The following NPTN variants were observed in gnomAD, a reference collection of about 807,000 sequenced individuals.
The protein encoded by NPTN is neuroplastin, also known as SDR-1.
Under a neutral mutation model 42.7 loss-of-function variants are expected in NPTN, and 5 were observed. The observed-to-expected ratio is 0.12, with a 90% CI of 0.06 to 0.25. The LOEUF is 0.25. Ranked by LOEUF, NPTN falls within the 10% of genes least tolerant of loss-of-function variation. NPTN has a pLI of 1.00. For synonymous variants in NPTN, 180 were observed against 201.9 expected, an observed-to-expected ratio of 0.89 and a Z score of 0.92; for missense variants, 307 against 525.4, an observed-to-expected ratio of 0.58 and a Z score of 4.06.
At chr15:73,610,571 C>CGGAA (rs1318174043) in intron 1 of NPTN, among the ~76,000 whole-genome samples, 1 of 152,124 alleles carries the variant, frequency 6.6e-6, no homozygotes, top group East Asian at 1.9e-4. Flanking sequence ...GGAAAACAAG[C>CGGAA]GGAATCTCAG....
chr15:73,624,833 C>T (rs1365300082), intron 1 of NPTN, among the ~76,000 whole-genome samples: 1 of 152,106 alleles, frequency 6.6e-6, no homozygotes, highest in Non-Finnish European at 1.5e-5. Flanking sequence ...ATAAGGAACA[C>T]AAGGTCTAAT....
intron 4 of NPTN, among the ~76,000 whole-genome samples, chr15:73,580,446 A>ATG (rs1422529414): frequency 7.3e-6 from 1 of 136,644 alleles, no homozygotes; most frequent in Non-Finnish European, 1.5e-5. Context: ...TATATAATAT[A>ATG]TATGTATATA....
intron 4 of NPTN, among the ~76,000 whole-genome samples, chr15:73,583,881 G>A (rs16958025): frequency 0.11 from 16,426 of 152,224 alleles, 1,132 homozygotes; most frequent in African/African-American, 0.19. Flanking sequence ...GTTCTTCACA[G>A]TGATCTTCAT....
At position 73,592,076 on chromosome 15, in the gene NPTN, G is replaced by A. The variant is rs1244573051; in HGVS notation, c.501C>T (p.Thr167=). The A allele has an allele frequency of 6.2e-7, 1 of 1,614,056 alleles. No homozygotes were observed. Among genetic ancestry groups the A allele is most frequent in the East Asian group, 2.2e-5 (1 of 44,876 alleles). ...AGCTGGAGGTGAGGTTACACTGCAG[G>A]GTGACAGGGAGAACAGGGCTGTCTC... ...IIRDSPVLPV[T]LQCNLTSSSH... is the part of the protein sequence containing the mutation. The change falls in exon 3 of 9, where the codon ACC becomes ACT. Residue 167 remains threonine (T), a synonymous_variant. Coordinates refer to ENST00000345330, the MANE Select transcript of NPTN (RefSeq NM_012428.4).
chr15:73,593,271 TTTG>T (rs1464113622), intron 2 of NPTN, among the ~76,000 whole-genome samples: 1 of 152,204 alleles, frequency 6.6e-6, no homozygotes, highest in African/African-American at 2.4e-5. Context: ...CATTTCTATG[TTTG>T]TTGTCTTTTG....
chr15:73,625,685 T>C (rs16958100), intron 1 of NPTN, among the ~76,000 whole-genome samples: 2,026 of 152,330 alleles, frequency 0.013, 54 homozygotes, highest in African/African-American at 0.046. Flanking sequence ...CCAAATATTA[T>C]CTTTTACTCA....
chr15:73,601,631 G>C (rs761948409), intron 1 of NPTN, among the ~76,000 whole-genome samples: 1 of 152,110 alleles, frequency 6.6e-6, no homozygotes. Flanking sequence ...CTAGGTCAAG[G>C]GTCATCCAAT....
At chr15:73,582,033 A>ACC (rs2141380399) in intron 4 of NPTN, among the ~76,000 whole-genome samples, 1 of 152,150 alleles carries the variant, frequency 6.6e-6, no homozygotes, top group Non-Finnish European at 1.5e-5. Context: ...ACGGGGTTTC[A>ACC]CCACCTTGGT....
chr15:73,572,060 C>A (rs921449930), intron 5 of NPTN, among the ~76,000 whole-genome samples: 1 of 152,174 alleles, frequency 6.6e-6, no homozygotes, highest in African/African-American at 2.4e-5. Flanking sequence ...ATCTTCACCT[C>A]GGCAATCCTC....
At position 73,633,193 on chromosome 15, in the gene NPTN, C is replaced by G; in HGVS notation, c.23G>C (p.Ser8Thr). Residue 8 changes from serine (S) to threonine (T), a missense_variant, in exon 1 of 9, where the codon AGC becomes ACC. Ser to Thr is a moderately conservative substitution (Grantham distance 58). Around this residue, in one of 2 missense-constraint regions of NPTN, gnomAD observed 43 missense variants for 34.3 expected, o/e 1.25. Transcript: ENST00000345330. MSGSSLP[S>T]ALALSLLLVS... ...CAGCAACAGCGAGAGGGCCAGGGCG[C>G]TGGGCAGCGACGAACCCGACATCCT... 1.3e-6 allele frequency: 2 copies of G among 1,530,294 alleles called. No individual in the cohort carries two copies. Among genetic ancestry groups the G allele is most frequent in the South Asian group, 2.4e-5 (2 of 81,842 alleles). The allele number at this position is 1,530,294 out of a possible 1,614,324, so 94.8% of individuals were successfully genotyped here.
chr15:73,612,591 C>A (rs921625961), intron 1 of NPTN, among the ~76,000 whole-genome samples: 1 of 151,990 alleles, frequency 6.6e-6, no homozygotes, highest in Non-Finnish European at 1.5e-5. Context: ...CATGGTGAAA[C>A]CCCGCCTCTA....
At chr15:73,629,155 G>A (rs1898592995) in intron 1 of NPTN, among the ~76,000 whole-genome samples, 1 of 152,182 alleles carries the variant, frequency 6.6e-6, no homozygotes, top group South Asian at 2.1e-4. Flanking sequence ...TATCCTCCCA[G>A]ACCGAACCAA....
intron 1 of NPTN, among the ~76,000 whole-genome samples, chr15:73,608,389 C>G (rs539477575): frequency 6.6e-6 from 1 of 152,300 alleles, no homozygotes; most frequent in South Asian, 2.1e-4. Flanking sequence ...GCATTGAAAT[C>G]TAAATCTAGC....
intron 1 of NPTN, among the ~76,000 whole-genome samples, chr15:73,601,761 T>A (rs142352328): frequency 1.3e-5 from 2 of 152,320 alleles, no homozygotes; most frequent in Non-Finnish European, 2.9e-5. Context: ...TGGGAAAGTA[T>A]TAATATCAGT....
chr15:73,618,779 T>C (rs896059413), intron 1 of NPTN, among the ~76,000 whole-genome samples: 9 of 152,134 alleles, frequency 5.9e-5, no homozygotes, highest in African/African-American at 1.4e-4. Flanking sequence ...GAGGCTGCAG[T>C]GGGCTGTGGT....
chr15:73,583,879 C>T (rs1243093861), intron 4 of NPTN, among the ~76,000 whole-genome samples: 2 of 152,198 alleles, frequency 1.3e-5, no homozygotes, highest in African/African-American at 4.8e-5. Context: ...CTGTTCTTCA[C>T]AGTGATCTTC....
At chr15:73,562,068 C>T (rs1234613086) in intron 7 of NPTN, 98 bp from the exon 8 acceptor site, 3 of 880,720 alleles carry the variant, frequency 3.4e-6, no homozygotes, top group Non-Finnish European at 5.4e-6. Context: ...TTACTGCCAT[C>T]CCTGGTGTAG....
chr15:73,590,336 A>G (rs1261737927), intron 3 of NPTN, among the ~76,000 whole-genome samples: 2 of 152,164 alleles, frequency 1.3e-5, no homozygotes, highest in Non-Finnish European at 2.9e-5. Flanking sequence ...AGCTGAGGGG[A>G]AAAAAGAAGC....
At chr15:73,624,867 T>C (rs533389753) in intron 1 of NPTN, among the ~76,000 whole-genome samples, 2 of 152,346 alleles carry the variant, frequency 1.3e-5, no homozygotes, top group Non-Finnish European at 2.9e-5. Flanking sequence ...CAACTGAATA[T>C]ACTGGAAAAG....
Sources: allele counts gnomAD v4.1 joint callset (sites outside exome capture counted in the v4.1 genomes callset), GRCh38; gene constraint gnomAD v4.1.1; regional missense constraint gnomAD v4.1.1; transcripts MANE v1.5; gene names NCBI Gene and HGNC (gene_info 2026-07-23, HGNC 2026-07-21).